The following TBCK variants were observed in gnomAD, a reference collection of about 807,000 sequenced individuals.
TBCK encodes TBC1 domain containing kinase, also known as TBC domain-containing protein kinase-like protein.
A neutral mutation model predicts 113.4 loss-of-function variants in TBCK; 99 were observed. That is an observed-to-expected ratio of 0.87 (90% CI 0.74 to 1.03). The LOEUF is 1.03. Ranked by LOEUF, TBCK falls within the 50% of genes least tolerant of loss-of-function variation. The probability of loss-of-function intolerance (pLI) is 0.00; values close to 1 mark genes in which losing one functional copy is unlikely to be tolerated. For missense variants in TBCK, 1,045 were observed against 1,061.3 expected (o/e 0.98, Z 0.21); for synonymous variants, 369 against 370.8 (o/e 1.00, Z 0.05).
chr4:106,151,581 A>T (rs1417503337), intron 23 of TBCK, among the ~76,000 whole-genome samples: 1 of 151,978 alleles, frequency 6.6e-6, no homozygotes, highest in Non-Finnish European at 1.5e-5. Context: ...GCATATAACA[A>T]CCAATTCTAA....
At chr4:106,108,875 G>C (rs550625294) in intron 24 of TBCK, among the ~76,000 whole-genome samples, 11 of 149,374 alleles carry the variant, frequency 7.4e-5, no homozygotes, top group Non-Finnish European at 1.3e-4. Flanking sequence ...TGACCCAAAA[G>C]CTCCTTCAGC....
chr4:106,116,569 T>G (rs984389905), intron 23 of TBCK, among the ~76,000 whole-genome samples, 191 bp from the exon 24 acceptor site: 2 of 152,146 alleles, frequency 1.3e-5, no homozygotes, highest in Non-Finnish European at 2.9e-5. Flanking sequence ...GGTCCATGGC[T>G]TGTTAGGAAC....
At chr4:106,192,842 T>C (rs1753804511) in intron 22 of TBCK, among the ~76,000 whole-genome samples, 1 of 152,114 alleles carries the variant, frequency 6.6e-6, no homozygotes, top group African/African-American at 2.4e-5. Flanking sequence ...GTGTGTTTAT[T>C]ATCAGCAGTA....
At chr4:106,262,713 A>ACTTTTCT (rs1762619425) in intron 3 of TBCK, among the ~76,000 whole-genome samples, 2 of 151,878 alleles carry the variant, frequency 1.3e-5, no homozygotes, top group South Asian at 4.1e-4. Context: ...GATTTAGCAA[A>ACTTTTCT]CTTTTCTCTT....
At chr4:106,120,117 C>T (rs1174428765) in intron 23 of TBCK, among the ~76,000 whole-genome samples, 4 of 152,116 alleles carry the variant, frequency 2.6e-5, no homozygotes, top group African/African-American at 7.2e-5. Flanking sequence ...GCGCACCGTG[C>T]GCGAGCCGAA....
chr4:106,118,717 G>A (rs1227576107), intron 23 of TBCK, among the ~76,000 whole-genome samples: 1 of 152,202 alleles, frequency 6.6e-6, no homozygotes, highest in Non-Finnish European at 1.5e-5. Context: ...AGTGAAAAGA[G>A]TGCCCTGACT....
At chr4:106,079,761 A>G (rs1041613467) in intron 25 of TBCK, among the ~76,000 whole-genome samples, 2 of 152,196 alleles carry the variant, frequency 1.3e-5, no homozygotes, top group Non-Finnish European at 2.9e-5. Flanking sequence ...GTATTCATAA[A>G]GAAAAAAAGT....
chr4:106,258,439 C>G (rs1348071387), intron 5 of TBCK, among the ~76,000 whole-genome samples: 4 of 152,000 alleles, frequency 2.6e-5, no homozygotes, highest in African/African-American at 9.7e-5. Context: ...GCTGTTTGAT[C>G]ACTTTATTTT....
intron 11 of TBCK, among the ~76,000 whole-genome samples, chr4:106,242,916 T>C (rs1013550043): frequency 1.5e-5 from 2 of 135,706 alleles, no homozygotes; most frequent in Non-Finnish European, 3.1e-5. Context: ...CCTGTGTCCA[T>C]GTGTTCTCAC....
chr4:106,144,891 T>C (rs888235377), intron 23 of TBCK, among the ~76,000 whole-genome samples: 16 of 151,748 alleles, frequency 1.1e-4, no homozygotes, highest in African/African-American at 3.9e-4. Context: ...GGCATGGTGG[T>C]ATACGCCCAT....
At chr4:106,205,189 A>G (rs566796895) in intron 20 of TBCK, among the ~76,000 whole-genome samples, 1 of 152,194 alleles carries the variant, frequency 6.6e-6, no homozygotes, top group South Asian at 2.1e-4. Flanking sequence ...TCGGTTCCCA[A>G]TACTTAATCA....
At chr4:106,116,789 T>C (rs937413392) in intron 23 of TBCK, among the ~76,000 whole-genome samples, 1 of 152,148 alleles carries the variant, frequency 6.6e-6, no homozygotes, top group Non-Finnish European at 1.5e-5. Flanking sequence ...TAATGCCTGA[T>C]GATCTGTCAT....
intron 25 of TBCK, among the ~76,000 whole-genome samples, chr4:106,082,530 G>C (rs1315084946): frequency 2.6e-5 from 4 of 151,666 alleles, no homozygotes; most frequent in Admixed American, 1.3e-4. Flanking sequence ...TGTACACGAA[G>C]GATCAGCAAC....
intron 3 of TBCK, among the ~76,000 whole-genome samples, chr4:106,276,058 T>C (rs1420205752): frequency 6.6e-6 from 1 of 152,110 alleles, no homozygotes; most frequent in South Asian, 2.1e-4. Flanking sequence ...GATGCTGGCA[T>C]AGGAACAGAA....
chr4:106,043,588 G>GTAA lies in TBCK; in HGVS notation c.*2979_*2981dup, dbSNP rs1195331784. The GTAA allele has an allele frequency of 6.6e-6, 1 of 152,184 alleles. No homozygotes were observed. Among genetic ancestry groups the GTAA allele is most frequent in the African/African-American group, 2.4e-5 (1 of 41,444 alleles). The allele number at this position is 152,184 out of a possible 1,614,324, so 9.4% of individuals were successfully genotyped here. ...TGTAAACAAACGATTGCAAAATGATGTAATAAATCTATTATTAGTAAATTA... is the reference window on the plus strand; with the variant it reads ...TGTAAACAAACGATTGCAAAATGATGTAATAATAAATCTATTATTAGTAAATTA... On this transcript the variant is annotated 3_prime_UTR_variant, in exon 26 of 26. Transcript: ENST00000394708.
chr4:106,268,136 C>T (rs1398436315), intron 3 of TBCK, among the ~76,000 whole-genome samples: 2 of 152,022 alleles, frequency 1.3e-5, no homozygotes, highest in Admixed American at 1.3e-4. Context: ...CTCTGTTACC[C>T]CAGCCAAGTG....
intron 23 of TBCK, among the ~76,000 whole-genome samples, chr4:106,146,499 C>T (rs921171276): frequency 2.0e-5 from 3 of 152,126 alleles, no homozygotes; most frequent in Admixed American, 6.5e-5. Flanking sequence ...GTACTGAGCT[C>T]AATACCTGGG....
chr4:106,141,313 C>A (rs1747129536), intron 23 of TBCK, among the ~76,000 whole-genome samples: 1 of 139,514 alleles, frequency 7.2e-6, no homozygotes. Flanking sequence ...AGTAATATGG[C>A]TGATAAAAAG....
chr4:106,164,745 C>G lies in TBCK; in HGVS notation c.2235+6350G>C, dbSNP rs193115392. Among the ~76,000 whole-genome samples the G allele has an allele frequency of 3.5e-4, 53 of 151,692 alleles. No homozygotes were observed. In the East Asian group the frequency reaches 8.9e-3, roughly 26 times the overall value. On this transcript the variant is annotated intron_variant, in intron 23 of 25. Coordinates refer to ENST00000394708, the MANE Select transcript of TBCK (RefSeq NM_001163435.3). The stretch of plus-strand genomic sequence containing the variant: ...ACTGTGGTGTTATTTTTAAACTGTT[C>G]ATAATCTAAAAAGTAGTGTTGTTAT...
Sources: gnomAD v4.1 joint callset for allele counts (sites outside exome capture counted in the v4.1 genomes callset) on GRCh38, gnomAD v4.1.1 for gene constraint, MANE v1.5 for transcripts, NCBI Gene and HGNC (gene_info 2026-07-23, HGNC 2026-07-21) for gene names.